The following SORBS3 variants were observed in gnomAD, a reference collection of about 807,000 sequenced individuals.
SORBS3 encodes the protein sorbin and SH3 domain containing 3, also known as vinexin.
A neutral mutation model predicts 98.0 loss-of-function variants in SORBS3; 69 were observed. The ratio of observed to expected loss-of-function variants is 0.70; its 90% confidence interval spans 0.58 to 0.86. The LOEUF is 0.86. Ranked by LOEUF, SORBS3 falls within the 40% of genes least tolerant of loss-of-function variation. The pLI is 0.00. For synonymous variants in SORBS3, 394 were observed against 355.4 expected (o/e 1.11, Z -1.22); for missense variants, 954 against 908.5 (o/e 1.05, Z -0.64).
intron 10 of SORBS3, 24 bp from the exon 11 acceptor site, chr8:22,565,244 T>C: frequency 6.5e-7 from 1 of 1,543,688 alleles, no homozygotes. Context: ...TGCCCCTCAC[T>C]GCCCAGCCTC....
intron 4 of SORBS3, 111 bp from the exon 5 acceptor site, chr8:22,558,018 G>T: frequency 2.1e-6 from 2 of 959,558 alleles, no homozygotes; most frequent in Non-Finnish European, 3.4e-6. Flanking sequence ...GCCCACCTAT[G>T]GGGGGTTCAG....
At chr8:22,545,161 A>T (rs528222233) in intron 1 of SORBS3, 1 of 152,494 alleles carries the variant, frequency 6.6e-6, no homozygotes, top group South Asian at 2.1e-4. Context: ...AAGGCCCAGC[A>T]GTGGATTGAG....
intron 12 of SORBS3, chr8:22,566,144 C>G: frequency 1.4e-6 from 1 of 721,106 alleles, no homozygotes; most frequent in Non-Finnish European, 2.0e-6. Flanking sequence ...CCCAGGCACT[C>G]CCGCTGGGCC....
intron 7 of SORBS3, among the ~76,000 whole-genome samples, chr8:22,562,261 G>A (rs1193633459): frequency 6.6e-6 from 1 of 152,248 alleles, no homozygotes; most frequent in South Asian, 2.1e-4. Context: ...CGGGAGTGGG[G>A]CGGCCAGGAC....
intron 7 of SORBS3, among the ~76,000 whole-genome samples, chr8:22,562,577 C>G (rs749840452): frequency 1.3e-5 from 2 of 152,138 alleles, no homozygotes; most frequent in Non-Finnish European, 2.9e-5. Context: ...GAAACTGGCC[C>G]GTAGCTCTGG....
At chr8:22,573,820 A>T (rs886146723) in intron 20 of SORBS3, among the ~76,000 whole-genome samples, 1 of 152,200 alleles carries the variant, frequency 6.6e-6, no homozygotes, top group Non-Finnish European at 1.5e-5. Flanking sequence ...GAATATAATA[A>T]TATTTATTAC....
chr8:22,545,326 T>C (rs1481731039), intron 1 of SORBS3: 1 of 152,056 alleles, frequency 6.6e-6, no homozygotes, highest in Non-Finnish European at 1.5e-5. Context: ...TTTACTCTTA[T>C]CTTGAGTGTG....
At chr8:22,565,381 G>A in intron 11 of SORBS3, 27 bp downstream of exon 11, 2 of 1,515,210 alleles carry the variant, frequency 1.3e-6, no homozygotes, top group Non-Finnish European at 1.8e-6. Flanking sequence ...TTCACCCGCG[G>A]GGCACGCCGG....
intron 17 of SORBS3, 146 bp from the exon 18 acceptor site, chr8:22,570,764 T>A (rs1194916586): frequency 1.5e-6 from 1 of 688,000 alleles, no homozygotes; most frequent in Non-Finnish European, 2.3e-6. Context: ...GCTCTTACCG[T>A]GTGACTCGGG....
chr8:22,555,734 C>G (rs1329141282), intron 3 of SORBS3, among the ~76,000 whole-genome samples: 1 of 152,046 alleles, frequency 6.6e-6, no homozygotes, highest in Non-Finnish European at 1.5e-5. Flanking sequence ...GCCTGAAATC[C>G]CAGCTACTTG....
At position 22,566,441 on chromosome 8, in the gene SORBS3, C is replaced by A. The variant is rs758761788; in HGVS notation, c.1047C>A (p.Pro349=). The change falls in exon 13 of 21, where the codon CCC becomes CCA. Residue 349 remains proline (P), a synonymous_variant. Transcript: ENST00000240123. Reference sequence around the variant, plus strand: ...ACAAAATGGCTGATGGAGGAAGCCCCTTCCTAGGTCGGAGGGACTTTGTCT... The same window carrying A: ...ACAAAATGGCTGATGGAGGAAGCCCATTCCTAGGTCGGAGGGACTTTGTCT... ...SPHKMADGGS[P]FLGRRDFVYP... 2.5e-6 allele frequency: 4 copies of A among 1,614,020 alleles called. No homozygotes were observed. Among genetic ancestry groups the A allele is most frequent in the Non-Finnish European group, 1.7e-6 (2 of 1,179,938 alleles).
rs1298874995 is a variant in SORBS3, at chr8:22,566,443, TC to T, written c.1051del (p.Leu351Ter). 6.2e-7 allele frequency: 1 copy of T among 1,613,958 alleles called. No individual in the cohort carries two copies. The highest frequency in any genetic ancestry group is 8.5e-7 in the Non-Finnish European group (1 of 1,179,912). ...PHKMADGGSP[F>X]LGRRDFVYPS... ...AAAATGGCTGATGGAGGAAGCCCCT[TC>T]CTAGGTCGGAGGGACTTTGTCTACC... On this transcript the variant is annotated frameshift_variant, in exon 13 of 21. Transcript: ENST00000240123. LOFTEE classifies it high-confidence loss of function.
At chr8:22,559,069 G>T (rs1224605687) in intron 5 of SORBS3, among the ~76,000 whole-genome samples, 2 of 152,232 alleles carry the variant, frequency 1.3e-5, no homozygotes, top group Non-Finnish European at 2.9e-5. Flanking sequence ...GCCACTGAGC[G>T]GAAGAGTGCC....
Position 22,554,304 on chromosome 8 carries a change from G to A in SORBS3, c.-55-148G>A. 1 of 772,382 alleles carries A rather than the reference G, an allele frequency of 1.3e-6. No homozygotes were observed. The highest frequency in any genetic ancestry group is 1.9e-6 in the Non-Finnish European group (1 of 520,286). 47.8% of individuals were successfully genotyped at this position (772,382 alleles called of 1,614,324 possible). On this transcript the variant is annotated intron_variant, in intron 1 of 20. Coordinates refer to ENST00000240123, the MANE Select transcript of SORBS3 (RefSeq NM_005775.5). The surrounding 1 kb of genome is among the most constrained non-coding windows in gnomAD (Gnocchi z 6.5). Reference sequence around the variant, plus strand: ...AGCCTGCAGGCGGGTGCCTGGCGTGGCCTGTTTCCTGGGTCCTTGAGCTAG... The same window carrying A: ...AGCCTGCAGGCGGGTGCCTGGCGTGACCTGTTTCCTGGGTCCTTGAGCTAG...
In SORBS3 at chr8:22,566,389, T is replaced by A; in HGVS notation, c.995T>A (p.Leu332Gln). Residue 332 changes from leucine to glutamine, a missense_variant, in exon 13 of 21, where the codon CTG becomes CAG. Leu to Gln is a moderately radical substitution (Grantham distance 113). Transcript: ENST00000240123. Reference protein sequence around the residue: ...WSSSYPHAPYLGSARSLSPHK... With the variant: ...WSSSYPHAPYQGSARSLSPHK... ...TCCAGCTACCCACATGCACCTTACC[T>A]GGGTTCCGCCCGGTCCCTGAGTCCC... 4 of 1,614,052 alleles carry A rather than the reference T, an allele frequency of 2.5e-6. No individual in the cohort carries two copies. The highest frequency in any genetic ancestry group is 3.4e-6 in the Non-Finnish European group (4 of 1,179,972).
At chr8:22,551,732 C>T, upstream of SORBS3, 5 of 985,036 alleles carry the variant, frequency 5.1e-6, no homozygotes, top group Non-Finnish European at 6.0e-6. The surrounding 1 kb of genome is among the most constrained non-coding windows in gnomAD (Gnocchi z 5.8). Context: ...CTCGCACGTC[C>T]CTCCTCTCCG....
chr8:22,566,763 A>C, intron 14 of SORBS3, 50 bp downstream of exon 14: 3 of 1,613,578 alleles, frequency 1.9e-6, no homozygotes, highest in Non-Finnish European at 2.5e-6. Flanking sequence ...CAAGGCTGCC[A>C]TCCTGGATCT....
intron 5 of SORBS3, 73 bp downstream of exon 5, chr8:22,558,265 A>G: frequency 2.1e-6 from 3 of 1,420,618 alleles, no homozygotes; most frequent in Non-Finnish European, 3.0e-6. Context: ...AGACAGGGAA[A>G]GAAAAGGGGA....
intron 5 of SORBS3, among the ~76,000 whole-genome samples, chr8:22,558,504 C>T (rs550380484): frequency 1.3e-5 from 2 of 152,314 alleles, no homozygotes; most frequent in South Asian, 2.1e-4. Flanking sequence ...CCACTGTTAG[C>T]GGTCATTCCC....
Sources: allele counts gnomAD v4.1 joint callset (sites outside exome capture counted in the v4.1 genomes callset), GRCh38; gene constraint gnomAD v4.1.1; non-coding constraint Gnocchi (gnomAD v3.1); transcripts MANE v1.5; gene names NCBI Gene and HGNC (gene_info 2026-07-23, HGNC 2026-07-21).